CLEC9A: variants seen among roughly 807,000 people sequenced by gnomAD.
CLEC9A encodes C-type lectin domain containing 9A.
Under a neutral mutation model 30.0 loss-of-function variants are expected in CLEC9A, and 24 were observed. That is an observed-to-expected ratio of 0.80 (90% CI 0.58 to 1.13). The LOEUF (loss-of-function observed/expected upper bound fraction) is 1.13. Ranked by LOEUF, CLEC9A falls within the 50% of genes most tolerant of loss-of-function variation. The probability of loss-of-function intolerance (pLI) is 0.00; values close to 1 mark genes in which losing one functional copy is unlikely to be tolerated. For synonymous variants in CLEC9A, 111 were observed against 96.8 expected (o/e 1.15, Z -0.86); for missense variants, 251 against 280.9 (o/e 0.89, Z 0.76).
chr12:10,035,194 C>A (rs1865733106), intron 1 of CLEC9A, among the ~76,000 whole-genome samples: 1 of 152,190 alleles, frequency 6.6e-6, no homozygotes, highest in Admixed American at 6.5e-5. Flanking sequence ...CAATGTCCAG[C>A]CACTTATGTG....
At chr12:10,044,732 C>T (rs1270938869) in intron 2 of CLEC9A, among the ~76,000 whole-genome samples, 1 of 152,102 alleles carries the variant, frequency 6.6e-6, no homozygotes, top group Non-Finnish European at 1.5e-5. Flanking sequence ...GTAACTTTAC[C>T]ACTGTCAGAA....
intron 1 of CLEC9A, among the ~76,000 whole-genome samples, chr12:10,034,007 G>T (rs1390422467): frequency 2.0e-5 from 3 of 152,184 alleles, no homozygotes; most frequent in Non-Finnish European, 4.4e-5. Context: ...ATATAGGATG[G>T]AATTTATTTT....
intron 5 of CLEC9A, among the ~76,000 whole-genome samples, chr12:10,057,699 A>C (rs1865955160): frequency 6.6e-6 from 1 of 152,050 alleles, no homozygotes; most frequent in Non-Finnish European, 1.5e-5. Context: ...ATATACATAC[A>C]TAGAAAAGAG....
Position 10,061,183 on chromosome 12 carries a change from A to G in CLEC9A, c.229A>G (p.Arg77Gly). 7.4e-6 allele frequency: 12 copies of G among 1,613,466 alleles called. No homozygotes were observed. The highest frequency in any genetic ancestry group is 2.2e-5 in the East Asian group (1 of 44,844). ...QQQEKLIQQERALLNFTEWKR... is the reference protein window; with the variant it reads ...QQQEKLIQQEGALLNFTEWKR... Reference sequence around the variant, plus strand: ...GCAAGAAAAACTCATCCAACAAGAGAGGGCACTGCTAAACTTTACAGAATG... The same window carrying G: ...GCAAGAAAAACTCATCCAACAAGAGGGGGCACTGCTAAACTTTACAGAATG... Residue 77 changes from arginine to glycine, a missense_variant, in exon 6 of 9, where the codon AGG becomes GGG. Transcript: ENST00000355819.
At chr12:10,041,282 A>AC (rs1185626826) in intron 1 of CLEC9A, among the ~76,000 whole-genome samples, 184 bp from the exon 2 acceptor site, 1 of 152,112 alleles carries the variant, frequency 6.6e-6, no homozygotes, top group Non-Finnish European at 1.5e-5. Flanking sequence ...AAACAAACAA[A>AC]AAAAAACAGA....
intron 4 of CLEC9A, among the ~76,000 whole-genome samples, chr12:10,054,052 A>T (rs887556288): frequency 2.0e-5 from 3 of 152,222 alleles, no homozygotes; most frequent in Non-Finnish European, 4.4e-5. Flanking sequence ...TTAATTTGGC[A>T]GTATCCATAT....
chr12:10,052,875 G>T, intron 4 of CLEC9A, 97 bp downstream of exon 4: 1 of 1,353,922 alleles, frequency 7.4e-7, no homozygotes, highest in Non-Finnish European at 1.0e-6. Flanking sequence ...TCTAATCCGA[G>T]ATAATCTACC....
chr12:10,054,898 G>A (rs1261235840), intron 5 of CLEC9A, among the ~76,000 whole-genome samples: 1 of 152,128 alleles, frequency 6.6e-6, no homozygotes, highest in Non-Finnish European at 1.5e-5. Context: ...AAAGAACAAT[G>A]AACCTCTAAC....
At chr12:10,033,947 A>G (rs946659212) in intron 1 of CLEC9A, among the ~76,000 whole-genome samples, 8 of 152,246 alleles carry the variant, frequency 5.3e-5, no homozygotes, top group Admixed American at 1.3e-4. Flanking sequence ...ACAAAAATAA[A>G]CTAAAAGCAG....
In CLEC9A at chr12:10,060,400, C is replaced by G. The variant is rs536719634; in HGVS notation, c.173-727C>G. On this transcript the variant is annotated intron_variant, in intron 5 of 8. Coordinates refer to ENST00000355819, the MANE Select transcript of CLEC9A (RefSeq NM_207345.4). The stretch of plus-strand genomic sequence containing the variant: ...AAAATAGGTGAACTATTTATTTAAA[C>G]AACAATCTGCATGAGTCTCCAGAGG... Among the ~76,000 whole-genome samples the G allele has an allele frequency of 5.9e-5, 9 of 152,252 alleles. No individual in the cohort carries two copies. In the South Asian group the frequency reaches 1.9e-3, roughly 32 times the overall value.
At chr12:10,045,308 G>A (rs912130479) in intron 2 of CLEC9A, among the ~76,000 whole-genome samples, 16 of 152,096 alleles carry the variant, frequency 1.1e-4, no homozygotes, top group African/African-American at 3.9e-4. Flanking sequence ...GAGCTTTTCA[G>A]ATATACATAC....
chr12:10,052,484 A>G lies in CLEC9A; in HGVS notation c.-58-146A>G, dbSNP rs760904339. 6 of 1,249,846 alleles carry G rather than the reference A, an allele frequency of 4.8e-6. No homozygotes were observed. In the African/African-American group the frequency reaches 7.6e-5, roughly 16 times the overall value. The allele number at this position is 1,249,846 out of a possible 1,614,324, so 77.4% of individuals were successfully genotyped here. On this transcript the variant is annotated intron_variant, in intron 3 of 8. Transcript: ENST00000355819. ...TTCTCTCTCATTTCCTTTTTCACCA[A>G]GTTGTGTTTTGGCTTAGACTTCATA... is the stretch of plus-strand genomic sequence containing the variant.
chr12:10,044,643 A>C (rs1486026110), intron 2 of CLEC9A, among the ~76,000 whole-genome samples: 3 of 152,208 alleles, frequency 2.0e-5, no homozygotes, highest in Admixed American at 6.5e-5. Context: ...TTCTTCAATG[A>C]GGCTAAGTCT....
At chr12:10,041,000 T>A (rs1365120775) in intron 1 of CLEC9A, 1 of 158,874 alleles carries the variant, frequency 6.3e-6, no homozygotes, top group Non-Finnish European at 1.4e-5. Context: ...CCCAGCATTT[T>A]TGGAGGCCGA....
At position 10,045,301 on chromosome 12, in the gene CLEC9A, C is replaced by A. The variant is rs574045277; in HGVS notation, c.-163+3681C>A. On this transcript the variant is annotated intron_variant, in intron 2 of 8. Coordinates refer to ENST00000355819, the MANE Select transcript of CLEC9A (RefSeq NM_207345.4). ...TATGCTACATGAAACTGCTACTGAG[C>A]TTTTCAGATATACATACCTTGTACT... 1.1e-4 allele frequency among the ~76,000 whole-genome samples: 16 copies of A among 152,292 alleles called. No homozygotes were observed. In the East Asian group the frequency reaches 1.9e-3, roughly 18 times the overall value.
Position 10,041,246 on chromosome 12 carries a change from A to C in CLEC9A, c.-317-220A>C, listed in dbSNP as rs144683293. Among the ~76,000 whole-genome samples, 1,481 of 152,230 alleles carry C rather than the reference A, an allele frequency of 9.7e-3. 31 individuals are homozygous for C. Among genetic ancestry groups the C allele is most frequent in the African/African-American group, 0.034 (1,419 of 41,530 alleles). Reference sequence around the variant, plus strand: ...GAGCCACAGAGTGAGACTCAGTCAAAAACAACAACAACAAAAACAAAAAAC... The same window carrying C: ...GAGCCACAGAGTGAGACTCAGTCAACAACAACAACAACAAAAACAAAAAAC... On this transcript the variant is annotated intron_variant, in intron 1 of 8. Transcript: ENST00000355819.
Position 10,041,514 on chromosome 12 carries a change from A to T in CLEC9A, c.-269A>T. 1 of 493,184 alleles carries T rather than the reference A, an allele frequency of 2.0e-6. No individual in the cohort carries two copies. Among genetic ancestry groups the T allele is most frequent in the Non-Finnish European group, 4.1e-6 (1 of 246,518 alleles). The allele number at this position is 493,184 out of a possible 1,614,324, so 30.6% of individuals were successfully genotyped here. On this transcript the variant is annotated 5_prime_UTR_variant, in exon 2 of 9. Transcript: ENST00000355819. ...GATGCCAACTGGACATATTATGGAGATAGCTGCTATGGGTTCTTCAAACAC... is the reference window on the plus strand; with the variant it reads ...GATGCCAACTGGACATATTATGGAGTTAGCTGCTATGGGTTCTTCAAACAC...
At chr12:10,031,477 A>G (rs1299289336) in intron 1 of CLEC9A, among the ~76,000 whole-genome samples, 1 of 152,198 alleles carries the variant, frequency 6.6e-6, no homozygotes, top group Non-Finnish European at 1.5e-5. Context: ...AGTGTCTTCT[A>G]ACTCGTGGCC....
At chr12:10,052,215 C>T (rs1273018711) in intron 3 of CLEC9A, 121 bp downstream of exon 3, 1 of 155,344 alleles carries the variant, frequency 6.4e-6, no homozygotes, top group Admixed American at 6.2e-5. Context: ...AAATCCCTTC[C>T]TAGCTTTGTT....
Sources: allele counts gnomAD v4.1 joint callset (sites outside exome capture counted in the v4.1 genomes callset), GRCh38; gene constraint gnomAD v4.1.1; transcripts MANE v1.5; gene names NCBI Gene and HGNC (gene_info 2026-07-23, HGNC 2026-07-21).